Variants in C1QTNF3 observed in about 807,000 individuals in gnomAD.
C1QTNF3 encodes the protein C1q and TNF related 3, also known as complement C1q tumor necrosis factor-related protein 3.
Under a neutral mutation model 32.6 loss-of-function variants are expected in C1QTNF3, and 26 were observed. The ratio of observed to expected loss-of-function variants is 0.80; its 90% CI spans 0.58 to 1.11. C1QTNF3 has a LOEUF of 1.11. Among genes scored for constraint, C1QTNF3 ranks in the 50% least tolerant of loss-of-function variants. C1QTNF3 has a pLI of 0.00. For missense variants in C1QTNF3, 362 were observed against 398.2 expected, an observed-to-expected ratio of 0.91 and a Z score of 0.77; for synonymous variants, 155 against 146.0, an observed-to-expected ratio of 1.06 and a Z score of -0.44.
chr5:34,235,546 C>CTT, the C1QTNF3 span, among the ~76,000 whole-genome samples: 80 of 103,932 alleles, frequency 7.7e-4, 1 homozygote, highest in South Asian at 4.4e-3. Context: ...ATTTCTTTTT[C>CTT]TTTTTTTTTT....
chr5:34,043,037 C>T lies in C1QTNF3; in HGVS notation c.89G>A (p.Ser30Asn). Residue 30 changes from serine (S) to asparagine (N), a missense_variant, in exon 1 of 6, where the codon AGC becomes AAC. Transcript: ENST00000382065. The stretch of plus-strand genomic sequence containing the variant: ...TGCCACCACTTTATTAGTTCTTCCG[C>T]TCACCTCCATGTATTCATCTTGACA... Reference protein sequence around the residue: ...CLCQDEYMEVSGRTNKVVARI... With the variant: ...CLCQDEYMEVNGRTNKVVARI... 2 of 1,614,164 alleles carry T rather than the reference C, an allele frequency of 1.2e-6. No individual in the cohort carries two copies. Among genetic ancestry groups the T allele is most frequent in the South Asian group, 2.2e-5 (2 of 91,082 alleles).
the C1QTNF3 span, chr5:34,168,116 A>G: frequency 3.9e-5 from 6 of 152,298 alleles, no homozygotes; most frequent in Admixed American, 3.9e-4. Context: ...AATATTATTC[A>G]CATATTGAAA....
the C1QTNF3 span, among the ~76,000 whole-genome samples, chr5:34,073,989 T>TA: frequency 2.0e-5 from 3 of 152,324 alleles, no homozygotes; most frequent in African/African-American, 7.2e-5. Flanking sequence ...ATTAGTTCGA[T>TA]AAATTGGCAC....
At chr5:34,173,215 T>C in the C1QTNF3 span, among the ~76,000 whole-genome samples, 1 of 152,170 alleles carries the variant, frequency 6.6e-6, no homozygotes, top group East Asian at 1.9e-4. Flanking sequence ...TTTCCGCATG[T>C]ATGAATTTAG....
chr5:34,042,602 C>A (rs1276817287), intron 1 of C1QTNF3, among the ~76,000 whole-genome samples: 1 of 152,130 alleles, frequency 6.6e-6, no homozygotes, highest in Non-Finnish European at 1.5e-5. Flanking sequence ...CGGCCACTAT[C>A]CCATCACATC....
chr5:34,227,837 C>A, the C1QTNF3 span, among the ~76,000 whole-genome samples: 2 of 151,918 alleles, frequency 1.3e-5, no homozygotes, highest in African/African-American at 4.8e-5. Flanking sequence ...TACAACTTGT[C>A]TCAACCTTCG....
At chr5:34,069,791 T>TA in the C1QTNF3 span, among the ~76,000 whole-genome samples, 2 of 152,170 alleles carry the variant, frequency 1.3e-5, no homozygotes, top group Non-Finnish European at 2.9e-5. Context: ...TAGAAACTCT[T>TA]ATATTCATCC....
At chr5:34,131,996 T>C in the C1QTNF3 span, among the ~76,000 whole-genome samples, 13 of 152,200 alleles carry the variant, frequency 8.5e-5, no homozygotes, top group African/African-American at 3.1e-4. Flanking sequence ...AAACATTCGA[T>C]AAATTTACAT....
chr5:34,213,710 A>ATATATATGTGTG, the C1QTNF3 span, among the ~76,000 whole-genome samples: 1 of 142,122 alleles, frequency 7.0e-6, no homozygotes, highest in East Asian at 2.1e-4. Flanking sequence ...ATATATGTGT[A>ATATATATGTGTG]TATATATGTA....
the C1QTNF3 span, chr5:34,175,720 C>T: frequency 2.5e-5 from 16 of 649,562 alleles, no homozygotes; most frequent in Admixed American, 3.1e-4. Flanking sequence ...AGCTTCCCCC[C>T]TTTGTTTCCA....
chr5:34,053,093 A>G, the C1QTNF3 span, among the ~76,000 whole-genome samples: 1 of 152,228 alleles, frequency 6.6e-6, no homozygotes, highest in Non-Finnish European at 1.5e-5. Flanking sequence ...AACATCTTAA[A>G]GGAATAAAGC....
At chr5:34,225,725 A>T in the C1QTNF3 span, among the ~76,000 whole-genome samples, 1 of 151,730 alleles carries the variant, frequency 6.6e-6, no homozygotes, top group South Asian at 2.1e-4. Flanking sequence ...CTTCAATCTT[A>T]TTTGTCTTTC....
At chr5:34,127,026 C>A in the C1QTNF3 span, among the ~76,000 whole-genome samples, 1 of 152,200 alleles carries the variant, frequency 6.6e-6, no homozygotes, top group African/African-American at 2.4e-5. Flanking sequence ...ATGTACCTTG[C>A]TTTCTCTTTG....
chr5:34,028,171 A>C (rs1477115955), intron 4 of C1QTNF3, among the ~76,000 whole-genome samples: 1 of 152,168 alleles, frequency 6.6e-6, no homozygotes. Flanking sequence ...ACGGGGTTTC[A>C]CCATGTCAGC....
the C1QTNF3 span, among the ~76,000 whole-genome samples, chr5:34,232,682 C>G: frequency 1.3e-5 from 2 of 151,130 alleles, no homozygotes; most frequent in Non-Finnish European, 3.0e-5. Flanking sequence ...TCTGAGTTTC[C>G]TGAGTCCTCC....
At chr5:34,109,855 T>G in the C1QTNF3 span, among the ~76,000 whole-genome samples, 1 of 152,292 alleles carries the variant, frequency 6.6e-6, no homozygotes, top group African/African-American at 2.4e-5. Flanking sequence ...CAAGGGCTGT[T>G]GAATGGAGCA....
the C1QTNF3 span, among the ~76,000 whole-genome samples, chr5:34,128,450 T>C: frequency 1.3e-5 from 2 of 152,134 alleles, no homozygotes; most frequent in Non-Finnish European, 2.9e-5. Flanking sequence ...CCCAGAATGA[T>C]AAATTCACCG....
the C1QTNF3 span, among the ~76,000 whole-genome samples, chr5:34,194,935 A>C: frequency 1.3e-5 from 2 of 148,308 alleles, no homozygotes; most frequent in Non-Finnish European, 3.0e-5. Context: ...AAGGACAAGA[A>C]AAAAGTCTTT....
At chr5:34,057,038 A>G in the C1QTNF3 span, among the ~76,000 whole-genome samples, 18 of 152,302 alleles carry the variant, frequency 1.2e-4, no homozygotes, top group African/African-American at 3.8e-4. Flanking sequence ...CTTATTAATA[A>G]TGTTCAGGAA....
Sources: gnomAD v4.1 joint callset for allele counts (sites outside exome capture counted in the v4.1 genomes callset) on GRCh38, gnomAD v4.1.1 for gene constraint, MANE v1.5 for transcripts, NCBI Gene and HGNC (gene_info 2026-07-23, HGNC 2026-07-21) for gene names.